IMMP2L: variants seen among roughly 807,000 people sequenced by gnomAD.
IMMP2L encodes mitochondrial inner membrane protease subunit 2.
Under a neutral mutation model 19.3 loss-of-function variants are expected in IMMP2L, and 18 were observed. The ratio of observed to expected loss-of-function variants is 0.93; its 90% CI spans 0.64 to 1.38. The LOEUF (loss-of-function observed/expected upper bound fraction) is 1.38, where lower values mean the gene tolerates loss of function less well. IMMP2L is among the 40% of genes most tolerant of loss of function. IMMP2L has a pLI of 0.00. For missense variants in IMMP2L, 233 were observed against 218.2 expected (o/e 1.07, Z -0.43); for synonymous variants, 76 against 73.0 (o/e 1.04, Z -0.21).
At chr7:111,477,898 C>CAA (rs953641772) in intron 3 of IMMP2L, among the ~76,000 whole-genome samples, 49 of 145,054 alleles carry the variant, frequency 3.4e-4, no homozygotes, top group Admixed American at 3.3e-3. Context: ...ATTTCTGCCT[C>CAA]AAAAAAAAAA....
chr7:110,919,405 TAGAA>T (rs1173536401), intron 4 of IMMP2L, among the ~76,000 whole-genome samples: 6 of 152,030 alleles, frequency 3.9e-5, no homozygotes, highest in African/African-American at 1.2e-4. Context: ...AAATGAAACT[TAGAA>T]AGAGCAGAAT....
At chr7:111,491,576 T>C (rs556872108) in intron 2 of IMMP2L, among the ~76,000 whole-genome samples, 4 of 152,148 alleles carry the variant, frequency 2.6e-5, no homozygotes, top group Non-Finnish European at 4.4e-5. Flanking sequence ...AGAGTTGATA[T>C]GGTAGCATAA....
At chr7:111,188,885 C>A (rs1244809639) in intron 3 of IMMP2L, among the ~76,000 whole-genome samples, 2 of 152,016 alleles carry the variant, frequency 1.3e-5, no homozygotes, top group Non-Finnish European at 2.9e-5. Flanking sequence ...GATTTCCTAC[C>A]TAATATGATC....
intron 3 of IMMP2L, among the ~76,000 whole-genome samples, chr7:111,188,470 A>C (rs535825190): frequency 1.2e-3 from 178 of 152,228 alleles, no homozygotes; most frequent in Admixed American, 2.5e-3. Flanking sequence ...TAAGGGCACT[A>C]ATCTCATATA....
At chr7:110,837,158 A>G (rs980791220) in intron 5 of IMMP2L, among the ~76,000 whole-genome samples, 1 of 152,200 alleles carries the variant, frequency 6.6e-6, no homozygotes, top group Non-Finnish European at 1.5e-5. Context: ...ATATTATGGA[A>G]TATTATACAA....
intron 5 of IMMP2L, among the ~76,000 whole-genome samples, chr7:110,789,838 C>T (rs73417264): frequency 2.0e-5 from 3 of 151,492 alleles, no homozygotes; most frequent in Non-Finnish European, 4.4e-5. Flanking sequence ...TATTCCTTCT[C>T]CCTGGAATGT....
At chr7:110,723,811 T>A (rs1795724240) in intron 5 of IMMP2L, among the ~76,000 whole-genome samples, 1 of 149,834 alleles carries the variant, frequency 6.7e-6, no homozygotes, top group Non-Finnish European at 1.5e-5. Context: ...ATACCCACAC[T>A]TAAGAATAGA....
chr7:110,664,263 T>G (rs1791283283), intron 5 of IMMP2L, among the ~76,000 whole-genome samples: 1 of 151,928 alleles, frequency 6.6e-6, no homozygotes, highest in African/African-American at 2.4e-5. Context: ...GTGAAAAACA[T>G]TGTCCCACCT....
In IMMP2L at chr7:111,553,518, A is replaced by G. The variant is rs146529521; in HGVS notation, c.-3+8333T>C. Among the ~76,000 whole-genome samples, 42 of 152,304 alleles carry G rather than the reference A, an allele frequency of 2.8e-4. 1 individual carries two copies. The East Asian group carries it at 6.9e-3, about 25-fold the overall frequency. On this transcript the variant is annotated intron_variant, in intron 1 of 5. Transcript: ENST00000405709. ...TGGAAAATGGCTATTTTTAATGTGC[A>G]TATCATGAAAATAAACACTTAACAC... is the stretch of plus-strand genomic sequence containing the variant.
chr7:111,408,291 T>C (rs189391028), intron 3 of IMMP2L, among the ~76,000 whole-genome samples: 4 of 151,844 alleles, frequency 2.6e-5, no homozygotes, highest in African/African-American at 9.7e-5. Flanking sequence ...ATATTTATTA[T>C]AAGACAGCTT....
At chr7:111,121,449 C>T (rs942810269) in intron 3 of IMMP2L, among the ~76,000 whole-genome samples, 8 of 152,108 alleles carry the variant, frequency 5.3e-5, no homozygotes, top group Admixed American at 2.6e-4. Context: ...CAAAAGAAGA[C>T]ATTTATGCAG....
intron 3 of IMMP2L, among the ~76,000 whole-genome samples, chr7:111,048,832 T>A (rs1279191565): frequency 1.3e-5 from 2 of 152,116 alleles, no homozygotes; most frequent in Non-Finnish European, 2.9e-5. Context: ...TGAGCATCTA[T>A]CTTCTGCAAA....
chr7:111,411,463 C>G (rs150813662), intron 3 of IMMP2L: 2 of 500,346 alleles, frequency 4.0e-6, no homozygotes, highest in African/African-American at 2.0e-5. Context: ...TGTACCTGAA[C>G]GAAGTCACGG....
intron 3 of IMMP2L, among the ~76,000 whole-genome samples, chr7:111,484,863 T>C (rs1426111549): frequency 2.6e-5 from 4 of 152,160 alleles, no homozygotes; most frequent in Non-Finnish European, 2.9e-5. Flanking sequence ...CACAGATTAC[T>C]GCAGTCTCGA....
chr7:111,166,366 G>A (rs1466095193), intron 3 of IMMP2L, among the ~76,000 whole-genome samples: 2 of 151,844 alleles, frequency 1.3e-5, no homozygotes, highest in African/African-American at 4.8e-5. Flanking sequence ...CTCCCACCCT[G>A]GCCTGCTTGA....
chr7:110,862,090 TGTGTGCATGTATG>T (rs1807487705), intron 5 of IMMP2L, among the ~76,000 whole-genome samples: 1 of 152,106 alleles, frequency 6.6e-6, no homozygotes, highest in Non-Finnish European at 1.5e-5. Flanking sequence ...TTAAATAAAC[TGTGTGCATGTATG>T]GATAAGCAAC....
intron 3 of IMMP2L, among the ~76,000 whole-genome samples, chr7:111,409,915 A>G (rs1834246005): frequency 1.3e-5 from 2 of 151,526 alleles, no homozygotes; most frequent in South Asian, 4.2e-4. Context: ...ACCTAGATGC[A>G]AAGTCCAAAC....
chr7:110,883,513 C>T (rs1809904380), intron 5 of IMMP2L, among the ~76,000 whole-genome samples: 2 of 152,204 alleles, frequency 1.3e-5, no homozygotes, highest in African/African-American at 4.8e-5. Flanking sequence ...AGTTTCCATT[C>T]TTAGAAAGAG....
In IMMP2L at chr7:111,321,163, A is replaced by G. The variant is rs1282799512; in HGVS notation, c.239+166075T>C. ...ATGAATCTAGGAAAGTCAATTGATC[A>G]AGAGGCTACATCATGGCCTTTTGAT... On this transcript the variant is annotated intron_variant, in intron 3 of 5. Transcript: ENST00000405709. Among the ~76,000 whole-genome samples, 4 of 152,148 alleles carry G rather than the reference A, an allele frequency of 2.6e-5. No homozygotes were observed. The East Asian group carries it at 7.7e-4, about 29-fold the overall frequency.
Sources: gnomAD v4.1 joint callset for allele counts (sites outside exome capture counted in the v4.1 genomes callset) on GRCh38, gnomAD v4.1.1 for gene constraint, MANE v1.5 for transcripts, NCBI Gene and HGNC (gene_info 2026-07-23, HGNC 2026-07-21) for gene names.